CUX1: variants seen among roughly 807,000 people sequenced by gnomAD.
CUX1 encodes cut like homeobox 1.
In CUX1, 31 loss-of-function variants were observed where a neutral mutation model predicts 158.8. That is an observed-to-expected ratio of 0.20 (90% confidence interval 0.15 to 0.26). CUX1 has a LOEUF of 0.26. CUX1 is among the 10% of genes least tolerant of loss of function. The pLI is 1.00. For synonymous variants in CUX1, 879 were observed against 862.1 expected (o/e 1.02, Z -0.34); for missense variants, 1,589 against 2,014.6 (o/e 0.79, Z 4.04).
At chr7:101,861,254 C>T (rs1797433316) in intron 1 of CUX1, among the ~76,000 whole-genome samples, 1 of 152,176 alleles carries the variant, frequency 6.6e-6, no homozygotes, top group South Asian at 2.1e-4. Flanking sequence ...AGTCCTTGCA[C>T]GCATACTCCT....
intron 2 of CUX1, among the ~76,000 whole-genome samples, chr7:101,972,214 C>A (rs1812045663): frequency 6.6e-6 from 1 of 152,220 alleles, no homozygotes; most frequent in African/African-American, 2.4e-5. Context: ...GATCCGCCTG[C>A]CTCCGCCTCC....
At chr7:102,169,951 A>G (rs782226441) in intron 9 of CUX1, among the ~76,000 whole-genome samples, 1 of 152,214 alleles carries the variant, frequency 6.6e-6, no homozygotes, top group Non-Finnish European at 1.5e-5. Flanking sequence ...AAGCAGTGGC[A>G]TTTACATCCT....
Position 102,234,108 on chromosome 7 carries a change from C to A in CUX1, c.3490C>A (p.Leu1164Ile). ...GCTCACCCAAGGCTCTGTCTCTGACCTCCTTGCCCGCCCCAAACCCTGGCA... is the reference window on the plus strand; with the variant it reads ...GCTCACCCAAGGCTCTGTCTCTGACATCCTTGCCCGCCCCAAACCCTGGCA... ...LGLTQGSVSDLLARPKPWHKL... is the reference protein window; with the variant it reads ...LGLTQGSVSDILARPKPWHKL... Residue 1164 changes from leucine to isoleucine, a missense_variant, in exon 22 of 24, where the codon CTC becomes ATC. Around this residue, in one of 8 missense-constraint regions of CUX1, gnomAD observed 259 missense variants for 373.8 expected, o/e 0.69. Coordinates refer to ENST00000292535, the MANE Select transcript of CUX1 (RefSeq NM_181552.4). 6.3e-7 allele frequency: 1 copy of A among 1,597,156 alleles called. No individual in the cohort carries two copies. Among genetic ancestry groups the A allele is most frequent in the Non-Finnish European group, 8.5e-7 (1 of 1,172,826 alleles).
At chr7:102,068,293 A>C (rs1308040703) in intron 3 of CUX1, among the ~76,000 whole-genome samples, 1 of 151,722 alleles carries the variant, frequency 6.6e-6, no homozygotes, top group African/African-American at 2.4e-5. Context: ...TTATTTTTAA[A>C]TTTTAATTTG....
chr7:102,134,316 A>G (rs1833656376), intron 8 of CUX1, among the ~76,000 whole-genome samples: 1 of 152,186 alleles, frequency 6.6e-6, no homozygotes. Flanking sequence ...CAGCCTGGGC[A>G]ACAGAGCTAG....
At chr7:102,001,718 A>C (rs961639882) in intron 2 of CUX1, among the ~76,000 whole-genome samples, 2 of 152,212 alleles carry the variant, frequency 1.3e-5, no homozygotes, top group Non-Finnish European at 2.9e-5. Context: ...CCTGGTGGTC[A>C]GGATGTTCCT....
chr7:102,200,132 C>T lies in CUX1; in HGVS notation c.2022C>T (p.Ile674=). Residue 674 remains isoleucine, a synonymous_variant, in exon 17 of 24, where the codon ATC becomes ATT. Coordinates refer to ENST00000292535, the MANE Select transcript of CUX1 (RefSeq NM_181552.4). ...GCTCTGATGAAGCCATCAAGTCCATCCTAGAGCAAGCCAAGAGGGAGCTCC... is the reference window on the plus strand; with the variant it reads ...GCTCTGATGAAGCCATCAAGTCCATTCTAGAGCAAGCCAAGAGGGAGCTCC... ...ETGSDEAIKS[I]LEQAKRELQV... 6.2e-7 allele frequency: 1 copy of T among 1,613,354 alleles called. No individual in the cohort carries two copies. The highest frequency in any genetic ancestry group is 8.5e-7 in the Non-Finnish European group (1 of 1,179,690).
At chr7:102,151,125 G>A (rs1469718420) in intron 8 of CUX1, among the ~76,000 whole-genome samples, 3 of 152,236 alleles carry the variant, frequency 2.0e-5, no homozygotes, top group South Asian at 2.1e-4. Context: ...TCATTACTGC[G>A]CTTCCAAGAT....
intron 3 of CUX1, among the ~76,000 whole-genome samples, chr7:102,068,619 A>G (rs747401135): frequency 1.1e-4 from 16 of 152,302 alleles, no homozygotes; most frequent in African/African-American, 3.8e-4. Context: ...CACATCCTTA[A>G]TCAGGAGACC....
At chr7:102,110,008 G>A (rs1830720978) in intron 6 of CUX1, among the ~76,000 whole-genome samples, 1 of 152,074 alleles carries the variant, frequency 6.6e-6, no homozygotes, top group Non-Finnish European at 1.5e-5. Flanking sequence ...TATGTTTGCT[G>A]GAATAGAACA....
At chr7:101,888,378 A>G (rs1452317725) in intron 1 of CUX1, among the ~76,000 whole-genome samples, 2 of 152,150 alleles carry the variant, frequency 1.3e-5, no homozygotes, top group Non-Finnish European at 2.9e-5. Flanking sequence ...TGTACCTGAC[A>G]CTGTGCTTTA....
intron 9 of CUX1, among the ~76,000 whole-genome samples, chr7:102,163,117 C>A (rs1428187966): frequency 1.3e-5 from 2 of 152,116 alleles, no homozygotes; most frequent in Non-Finnish European, 1.5e-5. Context: ...AGAATATTTC[C>A]AGCAGGAAAA....
In CUX1 at chr7:101,837,918, G is replaced by A. The variant is rs1409214551; in HGVS notation, c.30+20249G>A. On this transcript the variant is annotated intron_variant, in intron 1 of 23. Transcript: ENST00000292535. ...TTTAACATTCCCATTTCTACACCACGTGCAAGAAAAACAAAATCCTTGTTT... is the reference window on the plus strand; with the variant it reads ...TTTAACATTCCCATTTCTACACCACATGCAAGAAAAACAAAATCCTTGTTT... 4.1e-5 allele frequency among the ~76,000 whole-genome samples: 6 copies of A among 145,410 alleles called. 1 individual carries two copies. Among genetic ancestry groups the A allele is most frequent in the Admixed American group, 2.8e-4 (4 of 14,372 alleles).
At chr7:101,997,140 G>A (rs1006582010) in intron 2 of CUX1, among the ~76,000 whole-genome samples, 3 of 152,048 alleles carry the variant, frequency 2.0e-5, no homozygotes, top group Non-Finnish European at 4.4e-5. Flanking sequence ...ACGCCGATCT[G>A]GACCTGAATT....
At chr7:102,104,488 C>T (rs1554487779) in intron 6 of CUX1, 29 bp downstream of exon 6, 1 of 1,608,408 alleles carries the variant, frequency 6.2e-7, no homozygotes, top group Non-Finnish European at 8.5e-7. Flanking sequence ...CACACACAGA[C>T]TGACATAGCA....
At chr7:102,121,308 C>T (rs1339076352) in intron 8 of CUX1, among the ~76,000 whole-genome samples, 6 of 151,570 alleles carry the variant, frequency 4.0e-5, no homozygotes, top group East Asian at 1.9e-4. Flanking sequence ...GCTGGGATTA[C>T]AGGCTTGTGC....
chr7:101,948,140 T>A (rs1289033454), intron 2 of CUX1, among the ~76,000 whole-genome samples: 1 of 152,220 alleles, frequency 6.6e-6, no homozygotes, highest in Non-Finnish European at 1.5e-5. Context: ...AATTACTATA[T>A]TCACATTGTC....
At chr7:102,148,459 C>G (rs1676880153) in intron 8 of CUX1, among the ~76,000 whole-genome samples, 1 of 152,058 alleles carries the variant, frequency 6.6e-6, no homozygotes, top group Non-Finnish European at 1.5e-5. Context: ...TCAAGAATCA[C>G]TTGAACCCCG....
chr7:101,970,716 C>T (rs1006284088), intron 2 of CUX1, among the ~76,000 whole-genome samples: 3 of 152,192 alleles, frequency 2.0e-5, no homozygotes, highest in African/African-American at 2.4e-5. Flanking sequence ...CGACCATACC[C>T]GGCTGATTTT....
Sources: gnomAD v4.1 joint callset for allele counts (sites outside exome capture counted in the v4.1 genomes callset) on GRCh38, gnomAD v4.1.1 for gene constraint, gnomAD v4.1.1 regional missense constraint, MANE v1.5 for transcripts, NCBI Gene and HGNC (gene_info 2026-07-23, HGNC 2026-07-21) for gene names.